The following CNTN5 variants were observed in gnomAD, a reference collection of about 807,000 sequenced individuals.
CNTN5 encodes the protein contactin 5.
CNTN5 carries 77 observed loss-of-function variants against 129.1 expected under a neutral mutation model. The observed-to-expected ratio is 0.60, with a 90% CI of 0.50 to 0.72. The LOEUF (loss-of-function observed/expected upper bound fraction) is 0.72. Ranked by LOEUF, CNTN5 falls within the 30% of genes least tolerant of loss-of-function variation. CNTN5 has a pLI of 0.00. For synonymous variants in CNTN5, 509 were observed against 465.6 expected (o/e 1.09, Z -1.20); for missense variants, 1,478 against 1,328.8 (o/e 1.11, Z -1.75).
chr11:99,245,623 T>C (rs1861777674), intron 1 of CNTN5, among the ~76,000 whole-genome samples: 1 of 152,082 alleles, frequency 6.6e-6, no homozygotes, highest in Non-Finnish European at 1.5e-5. Flanking sequence ...GCCTGGCTCA[T>C]TGCATAAACA....
intron 1 of CNTN5, among the ~76,000 whole-genome samples, chr11:99,312,442 A>G (rs1357280111): frequency 6.6e-6 from 1 of 152,178 alleles, no homozygotes; most frequent in African/African-American, 2.4e-5. Flanking sequence ...ATATTCAATA[A>G]TAGTGTTTTA....
intron 2 of CNTN5, among the ~76,000 whole-genome samples, chr11:99,378,079 A>G (rs932239167): frequency 6.6e-6 from 1 of 152,150 alleles, no homozygotes; most frequent in Admixed American, 6.5e-5. Flanking sequence ...AAATCTAAGA[A>G]CAAACATTAC....
At chr11:99,689,682 G>T (rs750803323) in intron 3 of CNTN5, among the ~76,000 whole-genome samples, 1 of 151,904 alleles carries the variant, frequency 6.6e-6, no homozygotes, top group Admixed American at 6.6e-5. Context: ...AATTATCAGT[G>T]TTGTTGGGCT....
At chr11:100,140,497 G>T (rs914855789) in intron 13 of CNTN5, among the ~76,000 whole-genome samples, 1 of 152,120 alleles carries the variant, frequency 6.6e-6, no homozygotes, top group South Asian at 2.1e-4. Flanking sequence ...TTAAAGGCTT[G>T]TTGGAGTTAG....
chr11:99,797,594 T>G (rs1945985400), intron 3 of CNTN5, among the ~76,000 whole-genome samples: 1 of 152,170 alleles, frequency 6.6e-6, no homozygotes, highest in African/African-American at 2.4e-5. Context: ...AAGTGTCTGT[T>G]CATGTCCTTT....
At chr11:99,254,706 A>G (rs1423015051) in intron 1 of CNTN5, among the ~76,000 whole-genome samples, 1 of 151,984 alleles carries the variant, frequency 6.6e-6, no homozygotes, top group Non-Finnish European at 1.5e-5. Flanking sequence ...CAATATATAC[A>G]TGGAAGTGTT....
At chr11:100,016,905 A>G (rs1940852525) in intron 9 of CNTN5, among the ~76,000 whole-genome samples, 1 of 151,758 alleles carries the variant, frequency 6.6e-6, no homozygotes, top group Admixed American at 6.6e-5. Flanking sequence ...GGTGCAGAAC[A>G]GGTTCCATGT....
chr11:100,009,420 T>C (rs1301647079), intron 9 of CNTN5, among the ~76,000 whole-genome samples: 1 of 151,008 alleles, frequency 6.6e-6, no homozygotes, highest in African/African-American at 2.4e-5. Context: ...GAAACAAAGG[T>C]ATGTAAAGGC....
At chr11:99,527,710 C>T (rs746135450) in intron 2 of CNTN5, among the ~76,000 whole-genome samples, 8 of 152,080 alleles carry the variant, frequency 5.3e-5, no homozygotes, top group Non-Finnish European at 1.0e-4. Context: ...GCAGAAGCCT[C>T]GAATGGGAAA....
intron 2 of CNTN5, among the ~76,000 whole-genome samples, chr11:99,492,891 T>G (rs1946089921): frequency 1.3e-5 from 2 of 152,320 alleles, no homozygotes; most frequent in South Asian, 4.1e-4. Context: ...TTTGTTCAGA[T>G]TCTTCTTGGC....
intron 2 of CNTN5, among the ~76,000 whole-genome samples, chr11:99,452,480 C>A (rs957258053): frequency 1.3e-5 from 2 of 149,878 alleles, no homozygotes; most frequent in Admixed American, 6.7e-5. Flanking sequence ...TCACGCCATT[C>A]TCCTGCCTCA....
intron 1 of CNTN5, among the ~76,000 whole-genome samples, chr11:99,114,732 G>A (rs374232443): frequency 6.6e-6 from 1 of 152,014 alleles, no homozygotes; most frequent in South Asian, 2.1e-4. Flanking sequence ...TTTGTTCCTC[G>A]TAAACATTCA....
intron 6 of CNTN5, among the ~76,000 whole-genome samples, chr11:99,901,759 T>C (rs1017042817): frequency 6.6e-6 from 1 of 152,178 alleles, no homozygotes; most frequent in Non-Finnish European, 1.5e-5. Context: ...GAAAAAGCTG[T>C]GAATTAAAAA....
intron 10 of CNTN5, among the ~76,000 whole-genome samples, chr11:100,065,716 AAC>A: frequency 6.6e-6 from 1 of 152,198 alleles, no homozygotes; most frequent in East Asian, 1.9e-4. Flanking sequence ...AGACACTGAG[AAC>A]CTGAACTAAG....
chr11:99,162,083 T>C (rs1860637108), intron 1 of CNTN5, among the ~76,000 whole-genome samples: 1 of 152,142 alleles, frequency 6.6e-6, no homozygotes, highest in African/African-American at 2.4e-5. Flanking sequence ...CCCTGGTTAA[T>C]AGAACCTCCT....
chr11:99,310,749 T>C (rs1865075969), intron 1 of CNTN5, among the ~76,000 whole-genome samples: 1 of 152,162 alleles, frequency 6.6e-6, no homozygotes, highest in Non-Finnish European at 1.5e-5. Flanking sequence ...TTTCTTAAAT[T>C]AATATAAATG....
intron 2 of CNTN5, among the ~76,000 whole-genome samples, chr11:99,400,344 T>C (rs988268834): frequency 6.6e-6 from 1 of 152,250 alleles, no homozygotes; most frequent in South Asian, 2.1e-4. Flanking sequence ...GAATGAACAA[T>C]AGAATGGACT....
At chr11:100,175,914 T>A (rs1459743120) in intron 13 of CNTN5, among the ~76,000 whole-genome samples, 1 of 152,166 alleles carries the variant, frequency 6.6e-6, no homozygotes, top group Non-Finnish European at 1.5e-5. Context: ...GATCTCATCC[T>A]GCATTATATC....
intron 15 of CNTN5, among the ~76,000 whole-genome samples, chr11:100,197,865 T>C (rs1198963489): frequency 6.6e-6 from 1 of 151,916 alleles, no homozygotes; most frequent in Non-Finnish European, 1.5e-5. Context: ...ACTTGATAAA[T>C]TGCAACCAAA....
Sources: gnomAD v4.1 joint callset for allele counts (sites outside exome capture counted in the v4.1 genomes callset) on GRCh38, gnomAD v4.1.1 for gene constraint, MANE v1.5 for transcripts, NCBI Gene and HGNC (gene_info 2026-07-23, HGNC 2026-07-21) for gene names.